STK3: variants seen among roughly 807,000 people sequenced by gnomAD.
The protein encoded by STK3 is serine/threonine kinase 3, also known as serine/threonine-protein kinase 3.
STK3 carries 41 observed loss-of-function variants against 58.0 expected under a neutral mutation model. The ratio of observed to expected loss-of-function variants is 0.71; its 90% CI spans 0.55 to 0.92. The LOEUF (loss-of-function observed/expected upper bound fraction) is 0.92. Ranked by LOEUF, STK3 falls within the 40% of genes least tolerant of loss-of-function variation. The pLI, the probability that STK3 is intolerant of heterozygous loss-of-function variation, is 0.00. For missense variants in STK3, 479 were observed against 602.7 expected, an observed-to-expected ratio of 0.79 and a Z score of 2.15; for synonymous variants, 170 against 191.0, an observed-to-expected ratio of 0.89 and a Z score of 0.91.
intron 6 of STK3, among the ~76,000 whole-genome samples, chr8:98,695,554 T>C (rs1208023102): frequency 4.6e-5 from 7 of 152,226 alleles, no homozygotes; most frequent in African/African-American, 1.4e-4. Flanking sequence ...CAGTTTCAGC[T>C]TTCTACATAT....
At chr8:98,436,705 C>T (rs1182067286) in intron 2 of STK3, 1 of 152,228 alleles carries the variant, frequency 6.6e-6, no homozygotes, top group African/African-American at 2.4e-5. Flanking sequence ...GGGAGCTCTT[C>T]ACAATGTAGA....
intron 9 of STK3, 141 bp from the exon 10 acceptor site, chr8:98,527,058 G>T (rs1474402623): frequency 3.6e-6 from 2 of 550,226 alleles, no homozygotes; most frequent in Non-Finnish European, 5.6e-6. Context: ...ATTTCATAAA[G>T]AACAAAGTGA....
intron 3 of STK3, among the ~76,000 whole-genome samples, chr8:98,850,244 G>A (rs531387373): frequency 6.6e-6 from 1 of 152,226 alleles, no homozygotes; most frequent in East Asian, 1.9e-4. Context: ...GACAATCATA[G>A]CACACTACAG....
At chr8:98,667,122 C>T (rs1822425035) in intron 6 of STK3, among the ~76,000 whole-genome samples, 1 of 152,078 alleles carries the variant, frequency 6.6e-6, no homozygotes, top group Non-Finnish European at 1.5e-5. Context: ...AAAACTTCAG[C>T]ATAACTAAGA....
At chr8:98,875,476 G>A (rs919753306) in intron 3 of STK3, 2 of 152,176 alleles carry the variant, frequency 1.3e-5, no homozygotes, top group African/African-American at 2.4e-5. Context: ...TTAAACACAA[G>A]CATCTAATTC....
intron 5 of STK3, 60 bp downstream of exon 5, chr8:98,707,087 G>T: frequency 6.7e-7 from 1 of 1,497,748 alleles, no homozygotes; most frequent in Non-Finnish European, 8.9e-7. Context: ...TTGAAGTTTA[G>T]TTATAATCAA....
At chr8:98,527,628 A>ACT (rs557105302) in intron 9 of STK3, among the ~76,000 whole-genome samples, 1 of 151,932 alleles carries the variant, frequency 6.6e-6, no homozygotes, top group Non-Finnish European at 1.5e-5. Context: ...CAAATTAAAA[A>ACT]ATATATATAT....
At chr8:98,472,564 A>C (rs1821004752) in intron 10 of STK3, among the ~76,000 whole-genome samples, 1 of 152,174 alleles carries the variant, frequency 6.6e-6, no homozygotes, top group South Asian at 2.1e-4. Flanking sequence ...TGGGGCAGAT[A>C]ATTCTGTAAA....
intron 4 of STK3, among the ~76,000 whole-genome samples, chr8:98,710,415 C>T (rs532097373): frequency 1.3e-5 from 2 of 152,192 alleles, no homozygotes; most frequent in Admixed American, 6.5e-5. Context: ...TGACAGATGG[C>T]ACCTGGAAAA....
At position 98,759,357 on chromosome 8, in the gene STK3, G is replaced by GT. The variant is rs1554670349; in HGVS notation, c.236+7885_236+7886insA. Among the ~76,000 whole-genome samples the GT allele has an allele frequency of 4.6e-5, 7 of 152,118 alleles. No homozygotes were observed. In the East Asian group the frequency reaches 1.4e-3, roughly 30 times the overall value. ...GCCTGAGGAAAGGAAGGGAGATGGG[G>GT]CCCACGGCCTAGCAGTGGGACAGTC... is the stretch of plus-strand genomic sequence containing the variant. On this transcript the variant is annotated intron_variant, in intron 3 of 10. Coordinates refer to ENST00000419617, the MANE Select transcript of STK3 (RefSeq NM_006281.4).
the STK3 span, among the ~76,000 whole-genome samples, chr8:98,350,821 C>T: frequency 3.9e-5 from 6 of 152,162 alleles, no homozygotes; most frequent in African/African-American, 1.4e-4. Context: ...GGGTCCCTCC[C>T]ACAACATGTG....
chr8:98,579,772 A>G lies in STK3; in HGVS notation c.840T>C (p.Asn280=). The G allele has an allele frequency of 6.3e-7, 1 of 1,576,606 alleles. No homozygotes were observed. Among genetic ancestry groups the G allele is most frequent in the Non-Finnish European group, 8.6e-7 (1 of 1,168,986 alleles). ...CTCTTAATATTGATACAGGTTTGGC[A>G]TTCTTGATAAAAGGATGCTAAAAAA... ...TQLLQHPFIK[N]AKPVSILRDL... Residue 280 remains asparagine, a synonymous_variant, in exon 8 of 11, where the codon AAT becomes AAC. Coordinates refer to ENST00000419617, the MANE Select transcript of STK3 (RefSeq NM_006281.4).
At chr8:98,683,018 T>C (rs562788180) in intron 6 of STK3, among the ~76,000 whole-genome samples, 9 of 152,188 alleles carry the variant, frequency 5.9e-5, no homozygotes, top group Non-Finnish European at 2.9e-5. Flanking sequence ...GCTTTTAAGA[T>C]ATATATCTTC....
chr8:98,406,569 G>C (rs1180186681), intron 3 of STK3, among the ~76,000 whole-genome samples: 1 of 152,226 alleles, frequency 6.6e-6, no homozygotes, highest in Non-Finnish European at 1.5e-5. Flanking sequence ...GGTTTATTAA[G>C]TGTATGAAGG....
At chr8:98,535,904 G>A (rs145917717) in intron 9 of STK3, among the ~76,000 whole-genome samples, 4 of 152,228 alleles carry the variant, frequency 2.6e-5, no homozygotes, top group Admixed American at 1.3e-4. Flanking sequence ...AATGAGGAGA[G>A]TAAGAAAAAG....
At chr8:98,917,085 A>G (rs1176831702) in intron 1 of STK3, among the ~76,000 whole-genome samples, 2 of 152,228 alleles carry the variant, frequency 1.3e-5, no homozygotes, top group East Asian at 3.8e-4. Context: ...TTGGAGCACA[A>G]TGAGCAAGGG....
At chr8:98,737,292 G>A (rs1387037546) in intron 4 of STK3, among the ~76,000 whole-genome samples, 1 of 152,134 alleles carries the variant, frequency 6.6e-6, no homozygotes, top group Admixed American at 6.5e-5. Context: ...AAAAAGAGAT[G>A]CAAGCAAATG....
At chr8:98,873,947 T>A (rs2131882148) in intron 3 of STK3, among the ~76,000 whole-genome samples, 1 of 152,354 alleles carries the variant, frequency 6.6e-6, no homozygotes, top group South Asian at 2.1e-4. Context: ...TCAATGGTCT[T>A]TACAATCTGG....
chr8:98,410,630 C>A (rs1818043675), intron 3 of STK3, among the ~76,000 whole-genome samples: 1 of 152,160 alleles, frequency 6.6e-6, no homozygotes, highest in African/African-American at 2.4e-5. Flanking sequence ...ACACTGACAC[C>A]ATCTCTCTTG....
Sources: allele counts gnomAD v4.1 joint callset (sites outside exome capture counted in the v4.1 genomes callset), GRCh38; gene constraint gnomAD v4.1.1; transcripts MANE v1.5; gene names NCBI Gene and HGNC (gene_info 2026-07-23, HGNC 2026-07-21).